Variants in UBE2G2 observed in about 807,000 individuals in gnomAD.
UBE2G2 encodes the protein ubiquitin-conjugating enzyme E2 G2.
UBE2G2 carries 10 observed loss-of-function variants against 23.0 expected under a neutral mutation model. The ratio of observed to expected loss-of-function variants is 0.43; its 90% CI spans 0.27 to 0.74. The LOEUF is 0.74. UBE2G2 is among the 30% of genes least tolerant of loss of function. The pLI is 0.19. For missense variants in UBE2G2, 150 were observed against 218.3 expected (o/e 0.69, Z 1.97); for synonymous variants, 86 against 81.3 (o/e 1.06, Z -0.31).
chr21:44,801,596 G>T (rs1204814529), intron 1 of UBE2G2, 110 bp downstream of exon 1: 106 of 1,350,996 alleles, frequency 7.8e-5, no homozygotes, highest in Non-Finnish European at 9.8e-5. Context: ...CACGGTGGAG[G>T]CCCCGGGCCC....
At chr21:44,799,820 T>C (rs2083121165) in intron 1 of UBE2G2, among the ~76,000 whole-genome samples, 1 of 152,246 alleles carries the variant, frequency 6.6e-6, no homozygotes, top group Non-Finnish European at 1.5e-5. Flanking sequence ...CTTTCAACAT[T>C]CCTTCCTCAC....
chr21:44,801,739 TC>T lies in UBE2G2; in HGVS notation c.9del (p.Thr4ProfsTer6). 6.6e-7 allele frequency: 1 copy of T among 1,520,216 alleles called. No homozygotes were observed. The highest frequency in any genetic ancestry group is 2.1e-5 in the Admixed American group (1 of 47,150). The allele number at this position is 1,520,216 out of a possible 1,614,324, so 94.2% of individuals were successfully genotyped here. A position where few individuals can be genotyped will look rare whatever the true frequency, so the allele number is the denominator to read the frequency against. ...TCGGCCATCAGCCTCTTGAGCGCGG[TC>T]CCCGCCATGGCCCCGCAACAGCTGC... Reference protein sequence around the residue: MAGTALKRLMAEY... With the variant: MAXTALKRLMAEY... On this transcript the variant is annotated frameshift_variant, in exon 1 of 6. Transcript: ENST00000345496. LOFTEE classifies it high-confidence loss of function.
chr21:44,801,250 T>G, intron 1 of UBE2G2: 1 of 958,480 alleles, frequency 1.0e-6, no homozygotes, highest in East Asian at 1.1e-4. Flanking sequence ...TCAAAAACCC[T>G]TTTCCTTCAT....
chr21:44,779,902 G>A (rs2082943377), intron 3 of UBE2G2, among the ~76,000 whole-genome samples: 1 of 152,164 alleles, frequency 6.6e-6, no homozygotes, highest in Non-Finnish European at 1.5e-5. Flanking sequence ...GGCACATAAA[G>A]ATACTATCTT....
intron 4 of UBE2G2, 28 bp from the exon 5 acceptor site, chr21:44,773,715 G>A: frequency 6.2e-7 from 1 of 1,605,974 alleles, no homozygotes; most frequent in Non-Finnish European, 8.5e-7. Flanking sequence ...AGCCAAGTGA[G>A]CCCAGGAATG....
intron 3 of UBE2G2, among the ~76,000 whole-genome samples, chr21:44,785,353 T>C (rs1170805136): frequency 2.0e-5 from 3 of 152,174 alleles, no homozygotes; most frequent in Non-Finnish European, 4.4e-5. Flanking sequence ...CATTATTTAG[T>C]CCTCTCATTC....
At position 44,768,898 on chromosome 21, in the gene UBE2G2, G is replaced by C. The variant is rs1229373698; in HGVS notation, c.*2479C>G. 6.6e-6 allele frequency: 1 copy of C among 152,238 alleles called. No homozygotes were observed. The highest frequency in any genetic ancestry group is 1.5e-5 in the Non-Finnish European group (1 of 68,074). 9.4% of individuals were successfully genotyped at this position (152,238 alleles called of 1,614,324 possible). On this transcript the variant is annotated 3_prime_UTR_variant, in exon 6 of 6. Coordinates refer to ENST00000345496, the MANE Select transcript of UBE2G2 (RefSeq NM_003343.6). ...CCACAGAATGACAGAAGGGAGATCAGAAACAGAAGAAAACATGCCAGAGCT... is the reference window on the plus strand; with the variant it reads ...CCACAGAATGACAGAAGGGAGATCACAAACAGAAGAAAACATGCCAGAGCT...
chr21:44,773,961 A>T (rs1555960258), intron 4 of UBE2G2: 2 of 347,146 alleles, frequency 5.8e-6, no homozygotes, highest in African/African-American at 4.2e-5. Flanking sequence ...ATTTTTTTCA[A>T]GCAATATATA....
At chr21:44,778,801 C>A (rs1381112458) in intron 3 of UBE2G2, among the ~76,000 whole-genome samples, 1 of 152,180 alleles carries the variant, frequency 6.6e-6, no homozygotes, top group Non-Finnish European at 1.5e-5. Context: ...AAGAACAAGT[C>A]CCTTCCTAAA....
At chr21:44,783,807 C>T (rs1291450478) in intron 3 of UBE2G2, among the ~76,000 whole-genome samples, 1 of 152,150 alleles carries the variant, frequency 6.6e-6, no homozygotes, top group Non-Finnish European at 1.5e-5. Context: ...TTACTAAAAC[C>T]ACTAACTTTT....
chr21:44,771,286 G>A lies in UBE2G2; in HGVS notation c.*91C>T. Reference sequence around the variant, plus strand: ...GGTTCTTGCAAGTCTGCCTTGTTTGGTACCAGCACAGAGCATCACTGTCAC... The same window carrying A: ...GGTTCTTGCAAGTCTGCCTTGTTTGATACCAGCACAGAGCATCACTGTCAC... On this transcript the variant is annotated 3_prime_UTR_variant, in exon 6 of 6. Coordinates refer to ENST00000345496, the MANE Select transcript of UBE2G2 (RefSeq NM_003343.6). The surrounding 1 kb of genome is among the most constrained non-coding windows in gnomAD (Gnocchi z 4.6). 8.1e-7 allele frequency: 1 copy of A among 1,227,664 alleles called. No homozygotes were observed. The highest frequency in any genetic ancestry group is 1.3e-5 in the South Asian group (1 of 78,646). 76.0% of individuals were successfully genotyped at this position (1,227,664 alleles called of 1,614,324 possible).
intron 4 of UBE2G2, chr21:44,777,035 T>G (rs1231826063): frequency 2.6e-6 from 1 of 383,336 alleles, no homozygotes; most frequent in Non-Finnish European, 4.7e-6. Flanking sequence ...GTGTAAAACT[T>G]CCTCCCCAGT....
At chr21:44,779,378 G>A (rs553290262) in intron 3 of UBE2G2, among the ~76,000 whole-genome samples, 6 of 131,152 alleles carry the variant, frequency 4.6e-5, no homozygotes, top group East Asian at 5.4e-4. Flanking sequence ...GGGTGGGGGG[G>A]GGGTACTGTG....
chr21:44,771,240 GA>G lies in UBE2G2; in HGVS notation c.*136del, dbSNP rs552259450. On this transcript the variant is annotated 3_prime_UTR_variant, in exon 6 of 6. Transcript: ENST00000345496. This position sits in a 1 kb window ranked among gnomAD's most constrained non-coding sequence, Gnocchi z 4.6. ...AGCCTGTTTGAAGTAGGAAAGGTTT[GA>G]AAAAAAAAAAAGATGCCATGGTTCT... 0.073 allele frequency: 38,020 copies of G among 524,308 alleles called. No individual in the cohort carries two copies. Among genetic ancestry groups the G allele is most frequent in the South Asian group, 0.099 (3,707 of 37,558 alleles). The allele number at this position is 524,308 out of a possible 1,614,324, so 32.5% of individuals were successfully genotyped here. A position where few individuals can be genotyped will look rare whatever the true frequency, so the allele number is the denominator to read the frequency against.
In UBE2G2 at chr21:44,773,624, TAGCC is replaced by T; in HGVS notation, c.304_307del (p.Gly102ThrfsTer22). 6.2e-7 allele frequency: 1 copy of T among 1,612,658 alleles called. No individual in the cohort carries two copies. Among genetic ancestry groups the T allele is most frequent in the Non-Finnish European group, 8.5e-7 (1 of 1,180,010 alleles). Reference sequence around the variant, plus strand: ...ACTCCACCGCTCCGCGCTGCTCTCGTAGCCCATGGGGTCATCGCCTGGCGCGTGG... The same window carrying T: ...ACTCCACCGCTCCGCGCTGCTCTCGTCATGGGGTCATCGCCTGGCGCGTGG... On this transcript the variant is annotated frameshift_variant, in exon 5 of 6. Coordinates refer to ENST00000345496, the MANE Select transcript of UBE2G2 (RefSeq NM_003343.6). LOFTEE classifies it high-confidence loss of function.
intron 3 of UBE2G2, among the ~76,000 whole-genome samples, chr21:44,781,661 A>C (rs959050931): frequency 6.6e-6 from 1 of 152,174 alleles, no homozygotes; most frequent in South Asian, 2.1e-4. Context: ...CACCAGGATG[A>C]CATATTTGAC....
At chr21:44,796,163 GATGA>G (rs1279925057) in intron 1 of UBE2G2, among the ~76,000 whole-genome samples, 4 of 152,356 alleles carry the variant, frequency 2.6e-5, no homozygotes, top group Admixed American at 2.6e-4. Context: ...AAGGCTGGAT[GATGA>G]ATGAAGACAG....
chr21:44,789,675 A>G (rs186660744), intron 1 of UBE2G2, among the ~76,000 whole-genome samples: 99 of 152,240 alleles, frequency 6.5e-4, no homozygotes, highest in African/African-American at 2.1e-3. Context: ...TAAAAATCAA[A>G]ATAGGTAAGA....
In UBE2G2 at chr21:44,777,761, T is replaced by C. The variant is rs529973894; in HGVS notation, c.126-344A>G. 8.5e-5 allele frequency among the ~76,000 whole-genome samples: 13 copies of C among 152,158 alleles called. No homozygotes were observed. The South Asian group carries it at 2.5e-3, about 29-fold the overall frequency. ...AGGTGGAGGTTGCAGTGAGCCAAGA[T>C]CTCGCCACCGCACTCAAGCCTGGGC... On this transcript the variant is annotated intron_variant, in intron 3 of 5. Transcript: ENST00000345496.
Sources: gnomAD v4.1 joint callset for allele counts (sites outside exome capture counted in the v4.1 genomes callset) on GRCh38, gnomAD v4.1.1 for gene constraint, Gnocchi (gnomAD v3.1) non-coding constraint, MANE v1.5 for transcripts, NCBI Gene and HGNC (gene_info 2026-07-23, HGNC 2026-07-21) for gene names.